ADAMTSL1: variants seen among roughly 807,000 people sequenced by gnomAD.
ADAMTSL1 encodes ADAMTS-like protein 1.
Under a neutral mutation model 201.8 loss-of-function variants are expected in ADAMTSL1, and 126 were observed. That is an observed-to-expected ratio of 0.62 (90% confidence interval 0.54 to 0.72). The LOEUF (loss-of-function observed/expected upper bound fraction) is 0.72, where lower values mean the gene tolerates loss of function less well. ADAMTSL1 is among the 30% of genes least tolerant of loss of function. The probability of loss-of-function intolerance (pLI) is 0.00; values close to 1 mark genes in which losing one functional copy is unlikely to be tolerated. For synonymous variants in ADAMTSL1, 1,121 were observed against 903.4 expected, an observed-to-expected ratio of 1.24 and a Z score of -4.32; for missense variants, 2,679 against 2,277.8, an observed-to-expected ratio of 1.18 and a Z score of -3.59.
At chr9:18,288,870 A>T (rs1023765100) in intron 2 of ADAMTSL1, among the ~76,000 whole-genome samples, 8 of 152,318 alleles carry the variant, frequency 5.3e-5, no homozygotes, top group African/African-American at 1.9e-4. Context: ...GTATAAATGG[A>T]CTAGTTCACT....
intron 2 of ADAMTSL1, among the ~76,000 whole-genome samples, chr9:18,239,575 C>A (rs967605023): frequency 6.6e-6 from 1 of 151,882 alleles, no homozygotes; most frequent in African/African-American, 2.4e-5. Context: ...CTGGTCTCTA[C>A]TGAAAATAGA....
intron 22 of ADAMTSL1, among the ~76,000 whole-genome samples, chr9:18,828,369 C>G (rs764123273): frequency 6.6e-6 from 1 of 151,772 alleles, no homozygotes; most frequent in African/African-American, 2.4e-5. Context: ...CCCCTTTTTG[C>G]TCTTAGTAAA....
intron 1 of ADAMTSL1, among the ~76,000 whole-genome samples, chr9:17,914,567 A>G (rs1234256819): frequency 2.0e-5 from 3 of 151,182 alleles, no homozygotes; most frequent in Non-Finnish European, 3.0e-5. Context: ...CCAATATCAT[A>G]CTGAATGGGC....
At chr9:17,968,112 T>C (rs1346118824) in intron 1 of ADAMTSL1, among the ~76,000 whole-genome samples, 1 of 152,148 alleles carries the variant, frequency 6.6e-6, no homozygotes, top group African/African-American at 2.4e-5. Context: ...CCTGGGTCTC[T>C]GAAATGGAAC....
chr9:18,204,351 C>G (rs1276554955), intron 2 of ADAMTSL1, among the ~76,000 whole-genome samples: 1 of 152,058 alleles, frequency 6.6e-6, no homozygotes, highest in Non-Finnish European at 1.5e-5. Flanking sequence ...GGCACTTCTC[C>G]TTCCTGCCAC....
intron 1 of ADAMTSL1, among the ~76,000 whole-genome samples, chr9:18,034,045 G>C (rs183229892): frequency 6.6e-6 from 1 of 152,076 alleles, no homozygotes; most frequent in Non-Finnish European, 1.5e-5. Flanking sequence ...TCAGAGTGAG[G>C]TTCTTTCTAT....
At chr9:18,353,248 G>T (rs1836055757) in intron 2 of ADAMTSL1, among the ~76,000 whole-genome samples, 1 of 152,198 alleles carries the variant, frequency 6.6e-6, no homozygotes, top group East Asian at 1.9e-4. Context: ...AGCAGCAGTG[G>T]TAAAGTGGTT....
intron 1 of ADAMTSL1, among the ~76,000 whole-genome samples, chr9:18,119,553 T>G (rs915654744): frequency 5.8e-4 from 89 of 152,282 alleles, no homozygotes; most frequent in African/African-American, 2.1e-3. Context: ...TCCGCCCAGC[T>G]TGGCCTCCCA....
chr9:18,170,066 G>A (rs918578879), intron 2 of ADAMTSL1, among the ~76,000 whole-genome samples: 5 of 151,782 alleles, frequency 3.3e-5, no homozygotes, highest in African/African-American at 9.7e-5. Context: ...ATCCTACATA[G>A]TTTGTAAAAT....
intron 2 of ADAMTSL1, among the ~76,000 whole-genome samples, chr9:18,396,307 G>A (rs1817751363): frequency 6.6e-6 from 1 of 152,006 alleles, no homozygotes; most frequent in South Asian, 2.1e-4. Flanking sequence ...CCCCCTCCTG[G>A]ACTTATTCAA....
chr9:18,273,074 C>A (rs1832443137), intron 2 of ADAMTSL1, among the ~76,000 whole-genome samples: 1 of 152,012 alleles, frequency 6.6e-6, no homozygotes, highest in South Asian at 2.1e-4. Context: ...TTGCAGGGAC[C>A]AAAAGGTCCA....
chr9:18,142,057 C>T (rs950991397), intron 1 of ADAMTSL1, among the ~76,000 whole-genome samples: 7 of 152,180 alleles, frequency 4.6e-5, no homozygotes, highest in Non-Finnish European at 8.8e-5. Flanking sequence ...TCCTTTTTCC[C>T]TGCAGGAGCT....
intron 15 of ADAMTSL1, among the ~76,000 whole-genome samples, chr9:18,735,254 C>G (rs1588012356): frequency 6.6e-6 from 1 of 152,184 alleles, no homozygotes. Flanking sequence ...ATCCCAATGA[C>G]TTGCCGTCTC....
chr9:18,803,181 C>T (rs137865312), intron 20 of ADAMTSL1, among the ~76,000 whole-genome samples: 14 of 152,326 alleles, frequency 9.2e-5, no homozygotes, highest in African/African-American at 2.9e-4. Context: ...TATCCCTTTC[C>T]GAAGGCTCTA....
At chr9:18,884,298 C>T (rs776664187) in intron 23 of ADAMTSL1, among the ~76,000 whole-genome samples, 1 of 152,068 alleles carries the variant, frequency 6.6e-6, no homozygotes, top group Non-Finnish European at 1.5e-5. Context: ...TTTAAGAGTT[C>T]TTTTTATATT....
intron 2 of ADAMTSL1, among the ~76,000 whole-genome samples, chr9:18,287,657 A>G (rs544416559): frequency 4.5e-4 from 63 of 141,512 alleles, no homozygotes; most frequent in East Asian, 1.8e-3. Flanking sequence ...ATACATATAC[A>G]CATATATGTA....
chr9:18,254,729 G>A (rs1412046850), intron 2 of ADAMTSL1, among the ~76,000 whole-genome samples: 2 of 145,648 alleles, frequency 1.4e-5, no homozygotes, highest in African/African-American at 5.1e-5. Flanking sequence ...GAAGAGAATT[G>A]TGAGTGGAGC....
rs570495828 is a variant in ADAMTSL1, at chr9:18,886,106, G to T, written c.4250-1725G>T. ...GTTCAAGAACAGCCTGGCCAACATG[G>T]TGAAACCTTGTCTCTACTTAAAAAT... On this transcript the variant is annotated intron_variant, in intron 23 of 28. Coordinates refer to ENST00000380548, the MANE Select transcript of ADAMTSL1 (RefSeq NM_001040272.6). Among the ~76,000 whole-genome samples, 155 of 147,818 alleles carry T rather than the reference G, an allele frequency of 1.0e-3. 2 individuals carry two copies. The Middle Eastern group carries it at 0.021, about 20-fold the overall frequency.
At chr9:18,257,356 A>G (rs1226328684) in intron 2 of ADAMTSL1, among the ~76,000 whole-genome samples, 2 of 152,226 alleles carry the variant, frequency 1.3e-5, no homozygotes, top group African/African-American at 2.4e-5. Flanking sequence ...AAAATTTGCA[A>G]TGGACTTGAA....
Sources: allele counts gnomAD v4.1 joint callset (sites outside exome capture counted in the v4.1 genomes callset), GRCh38; gene constraint gnomAD v4.1.1; transcripts MANE v1.5; gene names NCBI Gene and HGNC (gene_info 2026-07-23, HGNC 2026-07-21).